Variants in TTC29 observed in about 807,000 individuals in gnomAD.
The protein encoded by TTC29 is tetratricopeptide repeat domain 29.
TTC29 carries 49 observed loss-of-function variants against 58.1 expected under a neutral mutation model. The ratio of observed to expected loss-of-function variants is 0.84; its 90% CI spans 0.67 to 1.07. The LOEUF is 1.07. TTC29 is among the 50% of genes least tolerant of loss of function. TTC29 has a pLI of 0.00. For missense variants in TTC29, 582 were observed against 555.6 expected (o/e 1.05, Z -0.48); for synonymous variants, 209 against 196.8 (o/e 1.06, Z -0.52).
intron 11 of TTC29, among the ~76,000 whole-genome samples, chr4:146,720,017 T>C (rs1342358410): frequency 5.9e-5 from 9 of 152,246 alleles, no homozygotes; most frequent in African/African-American, 2.2e-4. Context: ...GATCCATTTA[T>C]TACAACATCT....
At chr4:146,728,597 A>G (rs987103020) in intron 11 of TTC29, among the ~76,000 whole-genome samples, 1 of 150,576 alleles carries the variant, frequency 6.6e-6, no homozygotes, top group Non-Finnish European at 1.5e-5. Flanking sequence ...GAATGGGGCC[A>G]ATTTATTTAT....
intron 4 of TTC29, among the ~76,000 whole-genome samples, chr4:146,934,797 T>C (rs953820993): frequency 2.6e-5 from 4 of 152,120 alleles, no homozygotes; most frequent in Non-Finnish European, 5.9e-5. Context: ...CTTGGTCAAA[T>C]GCTGTGAAGA....
At chr4:146,746,756 C>T (rs1241196756) in intron 11 of TTC29, among the ~76,000 whole-genome samples, 1 of 152,096 alleles carries the variant, frequency 6.6e-6, no homozygotes, top group Non-Finnish European at 1.5e-5. Context: ...CTGCCCCATA[C>T]AAGCATGAAT....
intron 11 of TTC29, among the ~76,000 whole-genome samples, chr4:146,771,395 A>G (rs913284878): frequency 4.0e-5 from 6 of 151,858 alleles, no homozygotes; most frequent in African/African-American, 4.8e-5. Flanking sequence ...TAGTTTTTCA[A>G]TCCTGTCCCT....
At chr4:146,719,899 A>C (rs1234615376) in intron 11 of TTC29, among the ~76,000 whole-genome samples, 1 of 152,176 alleles carries the variant, frequency 6.6e-6, no homozygotes, top group Admixed American at 6.5e-5. Context: ...AATTTCTCTA[A>C]AAATGCAAAT....
intron 8 of TTC29, among the ~76,000 whole-genome samples, chr4:146,851,246 T>C (rs1477541850): frequency 6.6e-6 from 1 of 152,210 alleles, no homozygotes; most frequent in Non-Finnish European, 1.5e-5. Flanking sequence ...ATAACTTAGA[T>C]GCTAGAGTAA....
chr4:146,727,631 T>C (rs1743892476), intron 11 of TTC29, among the ~76,000 whole-genome samples: 2 of 152,222 alleles, frequency 1.3e-5, no homozygotes, highest in South Asian at 4.1e-4. Flanking sequence ...CACTTAGTAA[T>C]ATGCATTTAA....
chr4:146,882,015 T>C (rs1731661219), intron 6 of TTC29, among the ~76,000 whole-genome samples: 1 of 152,096 alleles, frequency 6.6e-6, no homozygotes, highest in Non-Finnish European at 1.5e-5. Flanking sequence ...CCACACCAGT[T>C]AAAGAGTATC....
chr4:146,711,543 T>A (rs1469938357), intron 11 of TTC29, among the ~76,000 whole-genome samples: 2 of 152,152 alleles, frequency 1.3e-5, no homozygotes, highest in Non-Finnish European at 2.9e-5. Context: ...TCATAATGAC[T>A]CAAAAGCTTT....
intron 11 of TTC29, among the ~76,000 whole-genome samples, chr4:146,731,669 A>C (rs894274554): frequency 6.6e-6 from 1 of 152,208 alleles, no homozygotes; most frequent in African/African-American, 2.4e-5. Context: ...GGTCCCAGAG[A>C]AAATGATAAG....
intron 2 of TTC29, chr4:146,943,074 A>T (rs2150343361): frequency 6.7e-6 from 1 of 149,808 alleles, no homozygotes; most frequent in Admixed American, 6.9e-5. Context: ...GAGTTCGATG[A>T]TTTTTGTTAG....
At chr4:146,740,835 T>C (rs1745080475) in intron 11 of TTC29, among the ~76,000 whole-genome samples, 1 of 152,022 alleles carries the variant, frequency 6.6e-6, no homozygotes, top group East Asian at 1.9e-4. Context: ...GCTCAAGTGA[T>C]CCTCCCGCCT....
At chr4:146,852,118 A>T (rs1729553498) in intron 8 of TTC29, among the ~76,000 whole-genome samples, 1 of 152,128 alleles carries the variant, frequency 6.6e-6, no homozygotes, top group East Asian at 1.9e-4. Context: ...TGCATCTTCT[A>T]CTTCTGTGTC....
intron 11 of TTC29, among the ~76,000 whole-genome samples, chr4:146,712,381 C>T (rs1393121515): frequency 6.6e-6 from 1 of 152,112 alleles, no homozygotes; most frequent in Non-Finnish European, 1.5e-5. Flanking sequence ...ACAGCTAAGT[C>T]CTTGAGCTGT....
At chr4:146,921,031 A>G (rs1734541370) in intron 4 of TTC29, among the ~76,000 whole-genome samples, 1 of 151,518 alleles carries the variant, frequency 6.6e-6, no homozygotes. Context: ...GAATGCTTAA[A>G]AGATAACTAC....
chr4:146,926,364 A>G (rs1734930137), intron 4 of TTC29, among the ~76,000 whole-genome samples: 2 of 152,288 alleles, frequency 1.3e-5, no homozygotes, highest in South Asian at 2.1e-4. Context: ...ATGTTCCCTC[A>G]TAGTAACTGT....
intron 6 of TTC29, among the ~76,000 whole-genome samples, chr4:146,883,462 T>A (rs979764425): frequency 7.9e-5 from 12 of 151,986 alleles, no homozygotes; most frequent in African/African-American, 2.9e-4. Flanking sequence ...AATACCCCTG[T>A]TAAAGGTTAT....
chr4:146,786,393 TACTC>T (rs1393600909), intron 11 of TTC29, among the ~76,000 whole-genome samples: 1 of 152,232 alleles, frequency 6.6e-6, no homozygotes, highest in Non-Finnish European at 1.5e-5. Flanking sequence ...TAATCCACTC[TACTC>T]ACTCTTACTA....
intron 11 of TTC29, among the ~76,000 whole-genome samples, chr4:146,753,854 T>C (rs1193445077): frequency 6.9e-6 from 1 of 145,172 alleles, no homozygotes; most frequent in African/African-American, 2.6e-5. Context: ...AATTGAACAA[T>C]AAGAAAACAT....
Sources: allele counts gnomAD v4.1 joint callset (sites outside exome capture counted in the v4.1 genomes callset), GRCh38; gene constraint gnomAD v4.1.1; transcripts MANE v1.5; gene names NCBI Gene and HGNC (gene_info 2026-07-23, HGNC 2026-07-21).